OPTC: variants seen among roughly 807,000 people sequenced by gnomAD.
OPTC encodes oculoglycan.
In OPTC, 22 loss-of-function variants were observed where a neutral mutation model predicts 25.4. That is an observed-to-expected ratio of 0.87 (90% CI 0.62 to 1.24). The LOEUF (loss-of-function observed/expected upper bound fraction) is 1.24, where lower values mean the gene tolerates loss of function less well. Ranked by LOEUF, OPTC falls within the 50% of genes most tolerant of loss-of-function variation. OPTC has a pLI of 0.00. For missense variants in OPTC, 417 were observed against 425.2 expected (o/e 0.98, Z 0.17); for synonymous variants, 169 against 179.3 (o/e 0.94, Z 0.46).
chr1:203,501,954 AGCCCAGGATAAGGCCT>A (rs1427224386), intron 5 of OPTC, among the ~76,000 whole-genome samples: 3 of 152,130 alleles, frequency 2.0e-5, no homozygotes, highest in Non-Finnish European at 4.4e-5. Context: ...CTGTTTTCTC[AGCCCAGGATAAGGCCT>A]GGGCTTTGGA....
chr1:203,496,269 G>A lies in OPTC; in HGVS notation c.231+33G>A, dbSNP rs756315096. On this transcript the variant is annotated intron_variant, in intron 2 of 7. Transcript: ENST00000367222. ...ACACAGCAGACCAACTACATTCCCT[G>A]CATGACACTGGGAGTCAGAGGCCAG... The A allele has an allele frequency of 9.4e-6, 14 of 1,490,736 alleles. No homozygotes were observed. The Admixed American group carries it at 1.5e-4, about 16-fold the overall frequency. The allele number at this position is 1,490,736 out of a possible 1,614,324, so 92.3% of individuals were successfully genotyped here. A position where few individuals can be genotyped will look rare whatever the true frequency, so the allele number is the denominator to read the frequency against.
In OPTC at chr1:203,504,724, G is replaced by T. The variant is rs146139436; in HGVS notation, c.*25+979G>T. ...CTGACACGAATCTTCACCCAGATGCGCTTCTTGTAGCACTTACCTACTCCC... is the reference window on the plus strand; with the variant it reads ...CTGACACGAATCTTCACCCAGATGCTCTTCTTGTAGCACTTACCTACTCCC... On this transcript the variant is annotated intron_variant, in intron 7 of 7. Transcript: ENST00000367222. 2.6e-5 allele frequency among the ~76,000 whole-genome samples: 4 copies of T among 152,284 alleles called. No homozygotes were observed. In the East Asian group the frequency reaches 7.7e-4, roughly 29 times the overall value.
intron 7 of OPTC, among the ~76,000 whole-genome samples, chr1:203,506,956 T>C (rs932712610): frequency 6.6e-6 from 1 of 152,280 alleles, no homozygotes; most frequent in African/African-American, 2.4e-5. Flanking sequence ...CAAGGGCCGC[T>C]GCCTCTGCAG....
At chr1:203,497,673 C>T (rs1200779756) in intron 3 of OPTC, among the ~76,000 whole-genome samples, 1 of 152,188 alleles carries the variant, frequency 6.6e-6, no homozygotes, top group Non-Finnish European at 1.5e-5. Context: ...GAAGTTCATT[C>T]TGGACCTGCT....
At chr1:203,496,868 CAG>C (rs1661288850) in intron 2 of OPTC, 107 bp from the exon 3 acceptor site, 1 of 1,170,700 alleles carries the variant, frequency 8.5e-7, no homozygotes, top group South Asian at 1.2e-5. Context: ...TCCTCCTCCA[CAG>C]TGACTCTTTG....
intron 7 of OPTC, among the ~76,000 whole-genome samples, chr1:203,504,919 C>A (rs546851145): frequency 6.6e-6 from 1 of 152,310 alleles, no homozygotes; most frequent in Admixed American, 6.5e-5. Flanking sequence ...CTTTTGGATC[C>A]TGGGCAGGGG....
intron 7 of OPTC, among the ~76,000 whole-genome samples, chr1:203,508,445 C>T (rs779512854): frequency 5.9e-5 from 9 of 152,180 alleles, no homozygotes; most frequent in African/African-American, 1.4e-4. Context: ...CCATCTCTGC[C>T]GCACCCCTAC....
chr1:203,508,083 C>T (rs1661525550), intron 7 of OPTC, among the ~76,000 whole-genome samples: 1 of 152,120 alleles, frequency 6.6e-6, no homozygotes, highest in African/African-American at 2.4e-5. Context: ...GTACTTTGTC[C>T]CAGAGAAAGA....
At chr1:203,505,858 C>T (rs1661472561) in intron 7 of OPTC, among the ~76,000 whole-genome samples, 1 of 152,186 alleles carries the variant, frequency 6.6e-6, no homozygotes, top group South Asian at 2.1e-4. Flanking sequence ...AGAGCTGTCA[C>T]TGGCCCTTCC....
chr1:203,496,290 G>A, intron 2 of OPTC, 54 bp downstream of exon 2: 1 of 1,341,938 alleles, frequency 7.5e-7, no homozygotes. Context: ...GGAGTCAGAG[G>A]CCAGGGCCCT....
intron 7 of OPTC, 134 bp from the exon 8 acceptor site, chr1:203,508,512 C>CGG (rs1661536279): frequency 6.6e-6 from 1 of 152,182 alleles, no homozygotes; most frequent in African/African-American, 2.4e-5. Flanking sequence ...ACAGACCAGA[C>CGG]GGGGAGGTGG....
chr1:203,500,953 G>A (rs1202509085), intron 5 of OPTC, among the ~76,000 whole-genome samples: 2 of 152,168 alleles, frequency 1.3e-5, no homozygotes, highest in East Asian at 1.9e-4. Context: ...ACACTCACAG[G>A]TTCTGCTCCC....
chr1:203,503,101 G>A, intron 6 of OPTC, 92 bp downstream of exon 6: 1 of 961,936 alleles, frequency 1.0e-6, no homozygotes, highest in Non-Finnish European at 1.6e-6. Context: ...GAGGCATGAG[G>A]CTTAGGCAGC....
intron 5 of OPTC, among the ~76,000 whole-genome samples, chr1:203,501,162 A>T (rs1025325025): frequency 1.3e-5 from 2 of 152,152 alleles, no homozygotes; most frequent in Admixed American, 6.5e-5. Flanking sequence ...GCAGTGTGGC[A>T]TGATCTCGGC....
chr1:203,502,425 G>A (rs940484693), intron 5 of OPTC, among the ~76,000 whole-genome samples: 2 of 152,194 alleles, frequency 1.3e-5, no homozygotes, highest in Admixed American at 6.5e-5. Context: ...GAGGCATGAG[G>A]CTTAGGCAGC....
Position 203,499,775 on chromosome 1 carries a change from T to C in OPTC, c.656T>C (p.Leu219Pro). Reference sequence around the variant, plus strand: ...AACCAGTTGGAAGCTCTGCCCGTGCTGCCCAGTGGCATTGAGTTCCTGGAT... The same window carrying C: ...AACCAGTTGGAAGCTCTGCCCGTGCCGCCCAGTGGCATTGAGTTCCTGGAT... ...PENQLEALPV[L>P]PSGIEFLDVR... The change falls in exon 5 of 8, where the codon CTG (leucine) becomes CCG (proline). Residue 219 changes from leucine (L) to proline (P), a missense_variant. Leu to Pro is a moderately conservative substitution (Grantham distance 98, BLOSUM62 -3). Transcript: ENST00000367222. 2.5e-6 allele frequency: 4 copies of C among 1,612,884 alleles called. No homozygotes were observed. Among genetic ancestry groups the C allele is most frequent in the African/African-American group, 1.3e-5 (1 of 74,944 alleles).
At chr1:203,508,428 C>A (rs1030976541) in intron 7 of OPTC, among the ~76,000 whole-genome samples, 1 of 152,182 alleles carries the variant, frequency 6.6e-6, no homozygotes, top group Non-Finnish European at 1.5e-5. Flanking sequence ...CAAAGACACA[C>A]GGCCCCCCAT....
intron 5 of OPTC, among the ~76,000 whole-genome samples, chr1:203,502,132 G>A (rs567704624): frequency 4.6e-5 from 7 of 152,290 alleles, no homozygotes; most frequent in South Asian, 2.1e-4. Context: ...GGTTAGATAC[G>A]CATAGTAGAT....
chr1:203,508,472 C>G (rs1322235625), intron 7 of OPTC, among the ~76,000 whole-genome samples, 174 bp from the exon 8 acceptor site: 2 of 152,120 alleles, frequency 1.3e-5, no homozygotes, highest in Non-Finnish European at 2.9e-5. Context: ...GTGTCTGTGT[C>G]CTCCTTCCTT....
Sources: allele counts gnomAD v4.1 joint callset (sites outside exome capture counted in the v4.1 genomes callset), GRCh38; gene constraint gnomAD v4.1.1; transcripts MANE v1.5; gene names NCBI Gene and HGNC (gene_info 2026-07-23, HGNC 2026-07-21).